The following PPRC1 variants were observed in gnomAD, a reference collection of about 807,000 sequenced individuals.
PPRC1 encodes the protein PPARG related coactivator 1.
In PPRC1, 23 loss-of-function variants were observed where a neutral mutation model predicts 132.5. The ratio of observed to expected loss-of-function variants is 0.17; its 90% CI spans 0.12 to 0.25. The LOEUF (loss-of-function observed/expected upper bound fraction) is 0.25, where lower values mean the gene tolerates loss of function less well. Ranked by LOEUF, PPRC1 falls within the 10% of genes least tolerant of loss-of-function variation. PPRC1 has a pLI of 1.00. For missense variants in PPRC1, 2,006 were observed against 2,089.1 expected (o/e 0.96, Z 0.78); for synonymous variants, 872 against 833.5 (o/e 1.05, Z -0.80).
chr10:102,121,638 G>T, the PPRC1 span, among the ~76,000 whole-genome samples: 12 of 152,276 alleles, frequency 7.9e-5, no homozygotes, highest in African/African-American at 2.9e-4. Context: ...GAGCCGCCTG[G>T]AGTAGAGAGT....
At chr10:102,144,996 C>T (rs2133696296) in intron 7 of PPRC1, 24 bp from the exon 8 acceptor site, 2 of 1,468,746 alleles carry the variant, frequency 1.4e-6, no homozygotes, top group Non-Finnish European at 1.8e-6. Flanking sequence ...ATGAATCAGG[C>T]TTTCCCTTTT....
Position 102,139,616 on chromosome 10 carries a change from C to T in PPRC1, c.1108C>T (p.Pro370Ser), listed in dbSNP as rs374887222. ...EIPVVVRQVS[P>S]GPRPVLLDDS... ...CCCAGTTGTGGTGCGACAGGTCTCT[C>T]CTGGACCCCGGCCTGTGCTCCTGGA... is the stretch of plus-strand genomic sequence containing the variant. Residue 370 changes from proline (P) to serine (S), a missense_variant, in exon 5 of 14, where the codon CCT (proline) becomes TCT (serine). Physicochemically the swap from Pro to Ser is moderately conservative, Grantham distance 74 (BLOSUM62 -1). This residue lies in a region of PPRC1 where 1,914 missense variants were observed against 1,917.2 expected (regional missense o/e 1.00). Coordinates refer to ENST00000278070, the MANE Select transcript of PPRC1 (RefSeq NM_015062.5). The T allele has an allele frequency of 5.0e-6, 8 of 1,613,822 alleles. No homozygotes were observed. The highest frequency in any genetic ancestry group is 6.8e-6 in the Non-Finnish European group (8 of 1,180,022).
chr10:102,137,750 C>T (rs2068777370), intron 1 of PPRC1, 100 bp from the exon 2 acceptor site: 2 of 1,163,114 alleles, frequency 1.7e-6, no homozygotes, highest in Non-Finnish European at 1.2e-6. Context: ...GTTGCTGCTG[C>T]TGAGTTTGGC....
rs767373085 is a variant in PPRC1, at chr10:102,146,672, G to A, written c.3680G>A (p.Gly1227Glu). Residue 1227 changes from glycine to glutamate, a missense_variant and splice_region_variant, in exon 9 of 14, where the codon GGG (glycine) becomes GAG (glutamate). This residue lies in a region of PPRC1 where 1,914 missense variants were observed against 1,917.2 expected (regional missense o/e 1.00). Transcript: ENST00000278070. The part of the protein sequence containing the change: ...LQAPELANVA[G>E]LTPPATPPHQ... ...TCTCCATCCTCCCTCCCCACCACAGGGCTCACCCCTCCAGCTACCCCTCCC... is the reference window on the plus strand; with the variant it reads ...TCTCCATCCTCCCTCCCCACCACAGAGCTCACCCCTCCAGCTACCCCTCCC... The A allele has an allele frequency of 4.4e-6, 7 of 1,606,722 alleles. No individual in the cohort carries two copies. The African/African-American group carries it at 6.7e-5, about 15-fold the overall frequency.
At chr10:102,132,139 C>A (rs1333316794), upstream of PPRC1, among the ~76,000 whole-genome samples, 1 of 152,198 alleles carries the variant, frequency 6.6e-6, no homozygotes, top group Non-Finnish European at 1.5e-5. Context: ...TGAATACACA[C>A]TAAAAGTAAC....
upstream of PPRC1, among the ~76,000 whole-genome samples, chr10:102,130,673 T>C (rs1190866122): frequency 6.6e-6 from 1 of 151,690 alleles, no homozygotes; most frequent in Non-Finnish European, 1.5e-5. Flanking sequence ...AGGCGGAGGT[T>C]GCGGTGAGCC....
chr10:102,137,656 C>T (rs374561264), intron 1 of PPRC1, among the ~76,000 whole-genome samples, 194 bp from the exon 2 acceptor site: 20 of 152,206 alleles, frequency 1.3e-4, no homozygotes, highest in African/African-American at 4.6e-4. Flanking sequence ...CCAGAAGGTC[C>T]CTGAAAACTG....
At position 102,148,641 on chromosome 10, in the gene PPRC1, C is replaced by G. The variant is rs776566780; in HGVS notation, c.4564C>G (p.Arg1522Gly). The G allele has an allele frequency of 3.1e-6, 5 of 1,614,050 alleles. No homozygotes were observed. The African/African-American group carries it at 6.7e-5, about 22-fold the overall frequency. The change falls in exon 11 of 14, where the codon CGT becomes GGT. Residue 1522 changes from arginine (R) to glycine (G), a missense_variant. Arg to Gly is a moderately radical substitution (Grantham distance 125). This residue lies in a region of PPRC1 where 1,914 missense variants were observed against 1,917.2 expected (regional missense o/e 1.00). Transcript: ENST00000278070. This position sits in a 1 kb window ranked among gnomAD's most constrained non-coding sequence, Gnocchi z 4.2. ...SDRRRRYSSY[R>G]SHDHYQRQRV... ...CTCTTTTGTCAGGTACAGCTCTTAT[C>G]GTTCACATGACCATTACCAAAGGCA... is the stretch of plus-strand genomic sequence containing the variant.
chr10:102,142,826 A>G, intron 5 of PPRC1: 1 of 424,572 alleles, frequency 2.4e-6, no homozygotes, highest in Non-Finnish European at 4.3e-6. Context: ...ATTTATAGGC[A>G]CAGGTGTGTG....
chr10:102,139,603 G>A lies in PPRC1; in HGVS notation c.1095G>A (p.Val365=), dbSNP rs777734137. ...AGDDLEIPVV[V]RQVSPGPRPV... ...ATGACCTGGAGATCCCAGTTGTGGT[G>A]CGACAGGTCTCTCCTGGACCCCGGC... The change falls in exon 5 of 14, where the codon GTG becomes GTA. Residue 365 remains valine (V), a synonymous_variant. Coordinates refer to ENST00000278070, the MANE Select transcript of PPRC1 (RefSeq NM_015062.5). 4 of 1,613,816 alleles carry A rather than the reference G, an allele frequency of 2.5e-6. No homozygotes were observed. The South Asian group carries it at 4.4e-5, about 18-fold the overall frequency.
chr10:102,148,779 C>T lies in PPRC1; in HGVS notation c.4618-38C>T, dbSNP rs1267796138. On this transcript the variant is annotated intron_variant, in intron 11 of 13. Coordinates refer to ENST00000278070, the MANE Select transcript of PPRC1 (RefSeq NM_015062.5). The surrounding 1 kb of genome is among the most constrained non-coding windows in gnomAD (Gnocchi z 4.2). ...GAGCTGCCTGCAGCTGTAGCCCTGG[C>T]TAATGGTGTGTTGATTTTTTTTCAT... 5 of 1,613,960 alleles carry T rather than the reference C, an allele frequency of 3.1e-6. No homozygotes were observed. The highest frequency in any genetic ancestry group is 4.2e-6 in the Non-Finnish European group (5 of 1,180,012).
upstream of PPRC1, among the ~76,000 whole-genome samples, chr10:102,130,641 A>G (rs968101033): frequency 3.9e-5 from 6 of 152,044 alleles, no homozygotes; most frequent in Non-Finnish European, 7.4e-5. Flanking sequence ...AGGCTGAGGC[A>G]CAAGAATCAC....
At chr10:102,146,594 T>C in intron 8 of PPRC1, 78 bp from the exon 9 acceptor site, 1 of 1,496,712 alleles carries the variant, frequency 6.7e-7, no homozygotes, top group Non-Finnish European at 8.9e-7. Flanking sequence ...TGGGGGTCTC[T>C]GGAGGCTATA....
intron 6 of PPRC1, among the ~76,000 whole-genome samples, chr10:102,143,992 T>G (rs1166063469): frequency 6.6e-6 from 1 of 152,222 alleles, no homozygotes; most frequent in Non-Finnish European, 1.5e-5. Flanking sequence ...ATAGATCACC[T>G]TGAACGCTAG....
At chr10:102,120,996 C>T in the PPRC1 span, among the ~76,000 whole-genome samples, 1 of 152,280 alleles carries the variant, frequency 6.6e-6, no homozygotes. Context: ...TCTCTTAATT[C>T]TTGTAGCAAC....
At chr10:102,123,811 G>A in the PPRC1 span, among the ~76,000 whole-genome samples, 6 of 150,016 alleles carry the variant, frequency 4.0e-5, no homozygotes, top group East Asian at 2.0e-4. Flanking sequence ...TGGGATTATA[G>A]GCGTGAGCCA....
In PPRC1 at chr10:102,145,083, C is replaced by T. The variant is rs769370450; in HGVS notation, c.3672C>T (p.Asn1224=). 13 of 1,613,374 alleles carry T rather than the reference C, an allele frequency of 8.1e-6. No homozygotes were observed. The highest frequency in any genetic ancestry group is 6.7e-5 in the African/African-American group (5 of 74,892). Residue 1224 remains asparagine, a synonymous_variant, in exon 8 of 14, where the codon AAC becomes AAT. Transcript: ENST00000278070. The part of the protein sequence containing the change: ...LDRLQAPELA[N]VAGLTPPATP... ...GGTTACAAGCCCCAGAACTGGCCAA[C>T]GTGGCAGGTGGGTTCAGGGTGGGGA...
At chr10:102,131,955 G>A (rs777698417), upstream of PPRC1, among the ~76,000 whole-genome samples, 7 of 152,166 alleles carry the variant, frequency 4.6e-5, no homozygotes, top group Non-Finnish European at 8.8e-5. Context: ...ACCGAGCCAC[G>A]GCCAGAAACA....
At chr10:102,149,086 A>G (rs1314004615) in intron 12 of PPRC1, 92 bp from the exon 13 acceptor site, 1 of 1,526,552 alleles carries the variant, frequency 6.6e-7, no homozygotes, top group Admixed American at 2.1e-5. Flanking sequence ...GGGAATGAGA[A>G]GAACCACCTC....
Sources: gnomAD v4.1 joint callset for allele counts (sites outside exome capture counted in the v4.1 genomes callset) on GRCh38, gnomAD v4.1.1 for gene constraint, gnomAD v4.1.1 regional missense constraint, Gnocchi (gnomAD v3.1) non-coding constraint, MANE v1.5 for transcripts, NCBI Gene and HGNC (gene_info 2026-07-23, HGNC 2026-07-21) for gene names.